Variants in LPA observed in about 807,000 individuals in gnomAD.
LPA encodes the protein lipoprotein(a), also known as apolipoprotein(a).
A neutral mutation model predicts 197.9 loss-of-function variants in LPA; 199 were observed. The observed-to-expected ratio is 1.01, with a 90% CI of 0.90 to 1.13. LPA has a LOEUF of 1.13. LPA is among the 50% of genes most tolerant of loss of function. LPA has a pLI of 0.00. For missense variants in LPA, 1,853 were observed against 1,785.8 expected (o/e 1.04, Z -0.68); for synonymous variants, 715 against 639.5 (o/e 1.12, Z -1.78).
intron 28 of LPA, among the ~76,000 whole-genome samples, chr6:160,576,359 T>C (rs868682799): frequency 1.1e-3 from 33 of 30,832 alleles, no homozygotes; most frequent in African/African-American, 4.3e-3. Context: ...TATATATATA[T>C]ATATATACAT....
rs989215806 is a variant in LPA, at chr6:160,602,300, G to C, written c.2946-1202C>G. On this transcript the variant is annotated intron_variant, in intron 18 of 38. Transcript: ENST00000316300. The stretch of plus-strand genomic sequence containing the variant: ...TATCCCTCAGAATTCAAAATTTTAT[G>C]ATTGCTTTAGGATTTACAATATCCC... Among the ~76,000 whole-genome samples, 11 of 152,100 alleles carry C rather than the reference G, an allele frequency of 7.2e-5. No individual in the cohort carries two copies. The East Asian group carries it at 1.9e-3, about 27-fold the overall frequency.
Position 160,650,368 on chromosome 6 carries a change from T to C in LPA, c.179A>G (p.His60Arg). The C allele has an allele frequency of 6.2e-7, 1 of 1,613,894 alleles. No homozygotes were observed. The highest frequency in any genetic ancestry group is 2.2e-5 in the East Asian group (1 of 44,868). The change falls in exon 2 of 39, where the codon CAT (histidine) becomes CGT (arginine). Residue 60 changes from histidine (H) to arginine (R), a missense_variant. His to Arg is a conservative substitution (Grantham distance 29, BLOSUM62 0). Coordinates refer to ENST00000316300, the MANE Select transcript of LPA (RefSeq NM_005577.4). Reference sequence around the variant, plus strand: ...TGGGTAGTTTTCTGTGGTCCTATTATGTTGATGTGGTGTCATAGATGACCA... The same window carrying C: ...TGGGTAGTTTTCTGTGGTCCTATTACGTTGATGTGGTGTCATAGATGACCA... ...QAWSSMTPHQ[H>R]NRTTENYPNA... is the part of the protein sequence containing the mutation.
In LPA at chr6:160,540,134, C is replaced by T. The variant is rs573087198; in HGVS notation, c.5644G>A (p.Val1882Met). ...YKVILGAHQE[V>M]NLESHVQEIE... Reference sequence around the variant, plus strand: ...TCCTGAACATGAGATTCGAGGTTCACTTCTTGGTGTGCACCCAGGATGACC... The same window carrying T: ...TCCTGAACATGAGATTCGAGGTTCATTTCTTGGTGTGCACCCAGGATGACC... Residue 1882 changes from valine (V) to methionine (M), a missense_variant, in exon 36 of 39, where the codon GTG (valine) becomes ATG (methionine). By Grantham distance (21) the Val-to-Met change is conservative. Coordinates refer to ENST00000316300, the MANE Select transcript of LPA (RefSeq NM_005577.4). 6.2e-7 allele frequency: 1 copy of T among 1,614,154 alleles called. No homozygotes were observed. The highest frequency in any genetic ancestry group is 2.2e-5 in the East Asian group (1 of 44,872).
At chr6:160,610,309 T>A (rs1475812191) in intron 16 of LPA, among the ~76,000 whole-genome samples, 2 of 152,180 alleles carry the variant, frequency 1.3e-5, no homozygotes, top group Admixed American at 1.3e-4. Flanking sequence ...CATTTGATGC[T>A]TGGACACTTG....
chr6:160,604,075 G>A lies in LPA; in HGVS notation c.2945+971C>T, dbSNP rs114694418. ...GAACCTTTTTCTGGGCACATGCAAC[G>A]TCATGTTTAGCCAAAGATTCGAGGA... On this transcript the variant is annotated intron_variant, in intron 18 of 38. Transcript: ENST00000316300. Among the ~76,000 whole-genome samples, 1,094 of 152,218 alleles carry A rather than the reference G, an allele frequency of 7.2e-3. 11 individuals carry two copies. Among genetic ancestry groups the A allele is most frequent in the African/African-American group, 0.025 (1,049 of 41,550 alleles).
At chr6:160,562,263 A>C (rs1322855696) in intron 28 of LPA, among the ~76,000 whole-genome samples, 1 of 152,108 alleles carries the variant, frequency 6.6e-6, no homozygotes, top group Non-Finnish European at 1.5e-5. Flanking sequence ...GTTTATTAAG[A>C]GTTTTTAGCA....
At chr6:160,532,035 C>T in intron 38 of LPA, 145 bp from the exon 39 acceptor site, 1 of 940,518 alleles carries the variant, frequency 1.1e-6, no homozygotes, top group Non-Finnish European at 1.7e-6. Context: ...CAAGCATCTG[C>T]AGTGCTTAAG....
chr6:160,651,499 C>T (rs1047127667), intron 1 of LPA, among the ~76,000 whole-genome samples: 5 of 152,174 alleles, frequency 3.3e-5, no homozygotes, highest in African/African-American at 1.2e-4. Context: ...TTCAGTTCAA[C>T]CAGTTACTAG....
intron 28 of LPA, among the ~76,000 whole-genome samples, chr6:160,576,778 C>T (rs1778692373): frequency 6.9e-6 from 1 of 144,664 alleles, no homozygotes; most frequent in African/African-American, 2.6e-5. Context: ...AACAAACCTT[C>T]GGGAATTGAA....
intron 28 of LPA, among the ~76,000 whole-genome samples, chr6:160,559,330 C>G (rs1367946518): frequency 1.3e-5 from 2 of 152,190 alleles, no homozygotes; most frequent in African/African-American, 4.8e-5. Context: ...TATTTTTGAG[C>G]TCCATCCATG....
At chr6:160,611,410 C>T (rs1047314514) in intron 16 of LPA, 152 bp downstream of exon 16, 4 of 1,471,392 alleles carry the variant, frequency 2.7e-6, no homozygotes, top group Admixed American at 1.7e-5. Context: ...TCTCTCAGAC[C>T]CTTAGCTCCA....
chr6:160,539,405 T>C (rs545356604), intron 36 of LPA, among the ~76,000 whole-genome samples: 1 of 151,882 alleles, frequency 6.6e-6, no homozygotes, highest in East Asian at 1.9e-4. Flanking sequence ...AAGACAACAA[T>C]AATATTATTA....
intron 16 of LPA, among the ~76,000 whole-genome samples, chr6:160,610,519 CT>C (rs1211967295): frequency 6.6e-6 from 1 of 152,126 alleles, no homozygotes; most frequent in Non-Finnish European, 1.5e-5. Context: ...TTGCTGTTCT[CT>C]TGTAGTTGCT....
intron 16 of LPA, among the ~76,000 whole-genome samples, chr6:160,607,507 C>G (rs1779383510): frequency 6.6e-6 from 1 of 152,130 alleles, no homozygotes. Flanking sequence ...AGAGGTCGGA[C>G]AGCTACGGAG....
rs1562327936 is a variant in LPA at position 160,576,378 on chromosome 6, A to ATGTG, written c.4631+757_4631+758insCACA. Among the ~76,000 whole-genome samples the ATGTG allele has an allele frequency of 4.8e-3, 310 of 64,806 alleles. 4 individuals carry two copies. The highest frequency in any genetic ancestry group is 0.024 in the South Asian group (44 of 1,832). 42.5% of individuals were successfully genotyped at this position (64,806 alleles called of 152,430 possible). A position where few individuals can be genotyped will look rare whatever the true frequency, so the allele number is the denominator to read the frequency against. ...TATATATATATATACATATATATATATATATATATATGTATATATATATAT... is the reference window on the plus strand; with the variant it reads ...TATATATATATATACATATATATATATGTGTATATATATATGTATATATATATAT... On this transcript the variant is annotated intron_variant, in intron 28 of 38. Transcript: ENST00000316300.
chr6:160,607,866 C>A (rs1048008041), intron 16 of LPA, among the ~76,000 whole-genome samples: 1 of 152,100 alleles, frequency 6.6e-6, no homozygotes, highest in African/African-American at 2.4e-5. Flanking sequence ...ATACAATATA[C>A]CTCAGAGTTC....
chr6:160,568,880 C>T (rs1778511443), intron 28 of LPA, among the ~76,000 whole-genome samples: 1 of 152,178 alleles, frequency 6.6e-6, no homozygotes, highest in Admixed American at 6.5e-5. Flanking sequence ...CTCCCATTCA[C>T]AATTGCTTCA....
intron 26 of LPA, among the ~76,000 whole-genome samples, chr6:160,580,188 T>C (rs1466937546): frequency 2.0e-5 from 3 of 152,234 alleles, no homozygotes; most frequent in Admixed American, 6.5e-5. Context: ...GGTTTGTTCA[T>C]GCTTCTGAGA....
intron 2 of LPA, among the ~76,000 whole-genome samples, chr6:160,648,017 C>G (rs1290916620): frequency 2.0e-5 from 3 of 152,156 alleles, no homozygotes; most frequent in African/African-American, 7.2e-5. Flanking sequence ...ATTCCAAAGT[C>G]TTACAGTTTC....
Sources: allele counts gnomAD v4.1 joint callset (sites outside exome capture counted in the v4.1 genomes callset), GRCh38; gene constraint gnomAD v4.1.1; transcripts MANE v1.5; gene names NCBI Gene and HGNC (gene_info 2026-07-23, HGNC 2026-07-21).